TMOD2: variants seen among roughly 807,000 people sequenced by gnomAD.
The protein encoded by TMOD2 is tropomodulin 2.
Under a neutral mutation model 39.9 loss-of-function variants are expected in TMOD2, and 22 were observed. That is an observed-to-expected ratio of 0.55 (90% CI 0.39 to 0.79). The LOEUF is 0.79. TMOD2 is among the 30% of genes least tolerant of loss of function. The pLI is 0.00. For missense variants in TMOD2, 386 were observed against 413.3 expected (o/e 0.93, Z 0.57); for synonymous variants, 123 against 146.1 (o/e 0.84, Z 1.14).
chr15:51,805,582 C>A (rs528077769), intron 8 of TMOD2, among the ~76,000 whole-genome samples: 1 of 152,116 alleles, frequency 6.6e-6, no homozygotes, highest in Admixed American at 6.5e-5. Flanking sequence ...AACACAGTGA[C>A]AATAGAGTTA....
At chr15:51,786,856 C>T (rs973067146) in intron 7 of TMOD2, among the ~76,000 whole-genome samples, 1 of 152,334 alleles carries the variant, frequency 6.6e-6, no homozygotes, top group South Asian at 2.1e-4. Context: ...CGTGAGAGGT[C>T]ACTTCCAAGA....
intron 8 of TMOD2, among the ~76,000 whole-genome samples, chr15:51,801,619 G>C (rs867450777): frequency 1.3e-5 from 2 of 152,284 alleles, no homozygotes; most frequent in African/African-American, 4.8e-5. Context: ...TAGGCTCCAG[G>C]TCAATGTGCA....
At chr15:51,801,957 T>C (rs981442452) in intron 8 of TMOD2, among the ~76,000 whole-genome samples, 4 of 119,186 alleles carry the variant, frequency 3.4e-5, no homozygotes, top group Non-Finnish European at 7.3e-5. Context: ...TATAACATAA[T>C]AAAAGTTATA....
chr15:51,775,046 G>A (rs1372228883), intron 4 of TMOD2, among the ~76,000 whole-genome samples: 2 of 152,202 alleles, frequency 1.3e-5, no homozygotes, highest in East Asian at 1.9e-4. Context: ...CCTGGCTGGG[G>A]CTGTTGGCAG....
intron 4 of TMOD2, among the ~76,000 whole-genome samples, chr15:51,776,388 A>G (rs1330572094): frequency 6.6e-6 from 1 of 152,170 alleles, no homozygotes; most frequent in Non-Finnish European, 1.5e-5. Context: ...AGTTCTGTGT[A>G]ATACAGGAAG....
intron 1 of TMOD2, among the ~76,000 whole-genome samples, chr15:51,762,073 C>T (rs1211545607): frequency 2.7e-5 from 4 of 150,894 alleles, no homozygotes; most frequent in South Asian, 2.1e-4. Context: ...GGCATGAACC[C>T]GGGAGGTGGA....
At chr15:51,758,580 T>G (rs1212909447) in intron 1 of TMOD2, among the ~76,000 whole-genome samples, 1 of 152,246 alleles carries the variant, frequency 6.6e-6, no homozygotes, top group East Asian at 1.9e-4. Context: ...GATCAAGAAC[T>G]GTGCTGGGAG....
chr15:51,786,597 C>T (rs2055971777), intron 7 of TMOD2, among the ~76,000 whole-genome samples: 1 of 152,166 alleles, frequency 6.6e-6, no homozygotes, highest in African/African-American at 2.4e-5. Context: ...AAGTTGAATG[C>T]TGAACTAAGA....
In TMOD2 at chr15:51,809,756, C is replaced by T. The variant is rs956498431; in HGVS notation, c.*1302C>T. The stretch of plus-strand genomic sequence containing the variant: ...TTTCTCCCCTCCCTTTCTTCCAATT[C>T]ATTGTCTTTTTTTTCCTCTTTTCTC... On this transcript the variant is annotated 3_prime_UTR_variant, in exon 10 of 10. Transcript: ENST00000249700. 1.3e-5 allele frequency: 2 copies of T among 152,138 alleles called. No homozygotes were observed. The highest frequency in any genetic ancestry group is 2.9e-5 in the Non-Finnish European group (2 of 68,030). 9.4% of individuals were successfully genotyped at this position (152,138 alleles called of 1,614,324 possible).
chr15:51,796,958 A>G (rs1043699197), intron 7 of TMOD2, among the ~76,000 whole-genome samples: 1 of 152,224 alleles, frequency 6.6e-6, no homozygotes, highest in African/African-American at 2.4e-5. Context: ...TCATTGGTTC[A>G]TAGGCAGGGA....
intron 1 of TMOD2, among the ~76,000 whole-genome samples, chr15:51,756,652 G>A (rs987433885): frequency 1.3e-5 from 2 of 152,180 alleles, no homozygotes; most frequent in Admixed American, 6.5e-5. Context: ...TGTTTTTCAA[G>A]TATGATTTAA....
At chr15:51,796,050 G>C (rs2056049559) in intron 7 of TMOD2, among the ~76,000 whole-genome samples, 1 of 151,228 alleles carries the variant, frequency 6.6e-6, no homozygotes, top group African/African-American at 2.4e-5. Context: ...CTTTCATGAT[G>C]TTGGTTTTCT....
chr15:51,779,121 A>AATT (rs1436967646), intron 5 of TMOD2, among the ~76,000 whole-genome samples: 1 of 151,960 alleles, frequency 6.6e-6, no homozygotes, highest in Non-Finnish European at 1.5e-5. Flanking sequence ...ACACTCAGTT[A>AATT]ATTATTTTTA....
rs778710725 is a variant in TMOD2 at position 51,806,413 on chromosome 15, G to A, written c.913G>A (p.Ala305Thr). ...GGGAACAGCTGTAGAGATGGAAATT[G>A]CCCAGATGCTGGAGGAGAATTCAAG... ...QLGTAVEMEI[A>T]QMLEENSRIL... The change falls in exon 9 of 10, where the codon GCC (alanine) becomes ACC (threonine). Residue 305 changes from alanine (A) to threonine (T), a missense_variant. Transcript: ENST00000249700. 2 of 1,614,176 alleles carry A rather than the reference G, an allele frequency of 1.2e-6. No individual in the cohort carries two copies. Among genetic ancestry groups the A allele is most frequent in the Non-Finnish European group, 8.5e-7 (1 of 1,180,022 alleles).
chr15:51,782,741 G>T lies in TMOD2; in HGVS notation c.645G>T (p.Leu215=). The change falls in exon 7 of 10, where the codon CTG becomes CTT. Residue 215 remains leucine, a synonymous_variant. Coordinates refer to ENST00000249700, the MANE Select transcript of TMOD2 (RefSeq NM_014548.4). ...CTTAGAACATTCCAATTCCAACCCT[G>T]AGGGAATTTGCAAAGGCTCTGGAGA... The part of the protein sequence containing the change: ...NNIKNIPIPT[L]REFAKALETN... The T allele has an allele frequency of 6.2e-7, 1 of 1,613,986 alleles. No individual in the cohort carries two copies. Among genetic ancestry groups the T allele is most frequent in the Non-Finnish European group, 8.5e-7 (1 of 1,179,858 alleles).
intron 4 of TMOD2, among the ~76,000 whole-genome samples, chr15:51,776,300 G>A (rs868365368): frequency 1.1e-4 from 17 of 152,344 alleles, no homozygotes; most frequent in African/African-American, 4.1e-4. Flanking sequence ...AATCTGCGTA[G>A]CAGTTGCAGG....
intron 6 of TMOD2, among the ~76,000 whole-genome samples, chr15:51,781,741 G>A (rs1209232820): frequency 6.6e-6 from 1 of 152,022 alleles, no homozygotes; most frequent in Non-Finnish European, 1.5e-5. Context: ...GAAGTCACAT[G>A]TTGTCACTTC....
At chr15:51,757,184 C>G (rs8040975) in intron 1 of TMOD2, among the ~76,000 whole-genome samples, 61,473 of 151,972 alleles carry the variant, frequency 0.4, 12,578 homozygotes, top group Middle Eastern at 0.45. Context: ...GGTGGATCAC[C>G]TGTGATCAGG....
intron 8 of TMOD2, among the ~76,000 whole-genome samples, chr15:51,802,667 G>A: frequency 6.6e-6 from 1 of 152,166 alleles, no homozygotes; most frequent in East Asian, 1.9e-4. Context: ...TTAGCTCAGG[G>A]CTCATCCCTT....
Sources: allele counts gnomAD v4.1 joint callset (sites outside exome capture counted in the v4.1 genomes callset), GRCh38; gene constraint gnomAD v4.1.1; transcripts MANE v1.5; gene names NCBI Gene and HGNC (gene_info 2026-07-23, HGNC 2026-07-21).